Variants in FAM171A1 observed in about 807,000 individuals in gnomAD.
FAM171A1 encodes the protein protein FAM171A1.
In FAM171A1, 23 loss-of-function variants were observed where a neutral mutation model predicts 74.9. The ratio of observed to expected loss-of-function variants is 0.31; its 90% CI spans 0.22 to 0.44. The LOEUF (loss-of-function observed/expected upper bound fraction) is 0.44. Among genes scored for constraint, FAM171A1 ranks in the 20% least tolerant of loss-of-function variants. The pLI, the probability that FAM171A1 is intolerant of heterozygous loss-of-function variation, is 1.00. For missense variants in FAM171A1, 1,162 were observed against 1,159.2 expected (o/e 1.00, Z -0.03); for synonymous variants, 527 against 505.7 (o/e 1.04, Z -0.57).
chr10:15,326,677 G>C (rs1835559055), intron 1 of FAM171A1, among the ~76,000 whole-genome samples: 1 of 151,852 alleles, frequency 6.6e-6, no homozygotes, highest in African/African-American at 2.4e-5. Context: ...ACCCAGGATG[G>C]AGTGCAGTGG....
At chr10:15,371,301 G>C (rs1564294929), upstream of FAM171A1, among the ~76,000 whole-genome samples, 2 of 142,194 alleles carry the variant, frequency 1.4e-5, no homozygotes, top group African/African-American at 5.0e-5. Flanking sequence ...ACCCCTTCCT[G>C]CCTCGCCCGC....
At chr10:15,235,138 C>T (rs1236839384) in intron 5 of FAM171A1, among the ~76,000 whole-genome samples, 2 of 151,908 alleles carry the variant, frequency 1.3e-5, no homozygotes, top group Non-Finnish European at 2.9e-5. Context: ...GGCCAAACCT[C>T]GTCTCTACTA....
chr10:15,242,893 T>C (rs1399876719), intron 5 of FAM171A1, among the ~76,000 whole-genome samples: 1 of 152,256 alleles, frequency 6.6e-6, no homozygotes, highest in Non-Finnish European at 1.5e-5. Flanking sequence ...GGCTAACTTA[T>C]ATTTCAGAGG....
chr10:15,367,539 C>T (rs750032091), intron 1 of FAM171A1, among the ~76,000 whole-genome samples: 1 of 152,292 alleles, frequency 6.6e-6, no homozygotes, highest in South Asian at 2.1e-4. Flanking sequence ...AGAAGTCATG[C>T]TCTTAATACA....
intron 3 of FAM171A1, among the ~76,000 whole-genome samples, chr10:15,264,897 T>G (rs1193378176): frequency 2.6e-5 from 4 of 152,218 alleles, no homozygotes; most frequent in Admixed American, 1.3e-4. Context: ...ACCACCTTTA[T>G]TTAGCTACAT....
At position 15,327,511 on chromosome 10, in the gene FAM171A1, C is replaced by T. The variant is rs1336800682; in HGVS notation, c.98-43406G>A. On this transcript the variant is annotated intron_variant, in intron 1 of 7. Transcript: ENST00000378116. ...CAAAAAAACATAGAAATTAGCTGGGCGTGCTAGCACGTGCCTATAATCCCA... is the reference window on the plus strand; with the variant it reads ...CAAAAAAACATAGAAATTAGCTGGGTGTGCTAGCACGTGCCTATAATCCCA... 2.0e-5 allele frequency among the ~76,000 whole-genome samples: 3 copies of T among 152,056 alleles called. 1 individual carries two copies. The East Asian group carries it at 5.8e-4, about 29-fold the overall frequency.
chr10:15,224,931 C>T (rs1834085693), intron 5 of FAM171A1, among the ~76,000 whole-genome samples: 1 of 152,174 alleles, frequency 6.6e-6, no homozygotes, highest in South Asian at 2.1e-4. Flanking sequence ...GTAGCTCCAA[C>T]CTCATATAGT....
rs867277759 is a variant in FAM171A1, at chr10:15,331,830, T to G, written c.97+39126A>C. 7.6e-3 allele frequency among the ~76,000 whole-genome samples: 715 copies of G among 93,724 alleles called. 3 individuals are homozygous for G. The highest frequency in any genetic ancestry group is 0.014 in the Non-Finnish European group (618 of 45,582). 61.5% of individuals were successfully genotyped at this position (93,724 alleles called of 152,430 possible). ...GTATATATGTGGGTATATATATGTGTGTATATATATGTGTGTATATATATG... is the reference window on the plus strand; with the variant it reads ...GTATATATGTGGGTATATATATGTGGGTATATATATGTGTGTATATATATG... On this transcript the variant is annotated intron_variant, in intron 1 of 7. Transcript: ENST00000378116.
intron 1 of FAM171A1, among the ~76,000 whole-genome samples, chr10:15,341,450 G>A (rs1835763196): frequency 6.6e-6 from 1 of 152,182 alleles, no homozygotes; most frequent in African/African-American, 2.4e-5. Flanking sequence ...CGTTATTCGA[G>A]AGTTTTTTTC....
At chr10:15,335,173 G>C (rs769437639) in intron 1 of FAM171A1, among the ~76,000 whole-genome samples, 4 of 152,190 alleles carry the variant, frequency 2.6e-5, no homozygotes, top group Non-Finnish European at 4.4e-5. Context: ...GAGCCCAGGA[G>C]GTGGAATTTG....
Position 15,216,103 on chromosome 10 carries a change from A to C in FAM171A1, c.879T>G (p.Val293=), listed in dbSNP as rs1833963539. The C allele has an allele frequency of 1.3e-6, 2 of 1,589,884 alleles. No homozygotes were observed. The highest frequency in any genetic ancestry group is 1.7e-6 in the Non-Finnish European group (2 of 1,172,786). The change falls in exon 7 of 8, where the codon GTT becomes GTG. Residue 293 remains valine, a synonymous_variant. Transcript: ENST00000378116. ...AAMSPPIPGP[V]VTQDITTYHT... ...GATACGTGGTAATGTCCTGTGTTAC[A>C]ACGGGACCTAGAAGGTCAGAAAATG...
chr10:15,292,265 AG>A (rs1274682433), intron 1 of FAM171A1, among the ~76,000 whole-genome samples: 1 of 152,150 alleles, frequency 6.6e-6, no homozygotes, highest in East Asian at 1.9e-4. Context: ...TGTGAACTTG[AG>A]GGGAAAACAA....
rs560360568 is a variant in FAM171A1, at chr10:15,257,939, C to T, written c.419-3060G>A. 9.2e-5 allele frequency among the ~76,000 whole-genome samples: 14 copies of T among 152,288 alleles called. No homozygotes were observed. In the South Asian group the frequency reaches 2.7e-3, roughly 29 times the overall value. ...AAGGAATATGATTGGGAGGGGGTGG[C>T]AGGGTAGGCAGTGGATAAGCCTGTA... On this transcript the variant is annotated intron_variant, in intron 3 of 7. Coordinates refer to ENST00000378116, the MANE Select transcript of FAM171A1 (RefSeq NM_001010924.2).
At chr10:15,273,190 T>TA (rs1380141536) in intron 3 of FAM171A1, among the ~76,000 whole-genome samples, 2 of 151,898 alleles carry the variant, frequency 1.3e-5, no homozygotes, top group African/African-American at 4.8e-5. Context: ...ATAGAAGCAA[T>TA]AAAAAATGAT....
At chr10:15,240,359 T>TCAAA (rs1554833051) in intron 5 of FAM171A1, among the ~76,000 whole-genome samples, 5 of 151,536 alleles carry the variant, frequency 3.3e-5, no homozygotes, top group South Asian at 2.1e-4. Flanking sequence ...AGACACCATC[T>TCAAA]CACACACACA....
chr10:15,352,370 T>C (rs1835890134), intron 1 of FAM171A1, among the ~76,000 whole-genome samples: 1 of 152,204 alleles, frequency 6.6e-6, no homozygotes, highest in African/African-American at 2.4e-5. Flanking sequence ...GAAATAAGAA[T>C]GTGAAACAGG....
chr10:15,298,264 A>AG (rs369083823), intron 1 of FAM171A1, among the ~76,000 whole-genome samples: 2 of 152,198 alleles, frequency 1.3e-5, no homozygotes, highest in East Asian at 3.9e-4. Context: ...CCTCCCCAGT[A>AG]GCTGGGCTTC....
intron 5 of FAM171A1, among the ~76,000 whole-genome samples, chr10:15,232,664 A>C (rs967665137): frequency 2.0e-5 from 3 of 152,224 alleles, no homozygotes; most frequent in Non-Finnish European, 4.4e-5. Flanking sequence ...AACAAAATAC[A>C]TCTGGAAACA....
chr10:15,213,763 G>C lies in FAM171A1; in HGVS notation c.1825C>G (p.Leu609Val). The change falls in exon 8 of 8, where the codon CTT becomes GTT. Residue 609 changes from leucine to valine, a missense_variant. Coordinates refer to ENST00000378116, the MANE Select transcript of FAM171A1 (RefSeq NM_001010924.2). The surrounding 1 kb of genome is among the most constrained non-coding windows in gnomAD (Gnocchi z 6.8). ...TCAGCCTGTAGTCTTTCTATCTCAA[G>C]CTGCTGATCAGCCGGGACGACGAGG... ...QPLVVPADQQ[L>V]EIERLQAELS... The C allele has an allele frequency of 6.2e-7, 1 of 1,614,114 alleles. No homozygotes were observed. The highest frequency in any genetic ancestry group is 8.5e-7 in the Non-Finnish European group (1 of 1,179,988).
Sources: gnomAD v4.1 joint callset for allele counts (sites outside exome capture counted in the v4.1 genomes callset) on GRCh38, gnomAD v4.1.1 for gene constraint, Gnocchi (gnomAD v3.1) non-coding constraint, MANE v1.5 for transcripts, NCBI Gene and HGNC (gene_info 2026-07-23, HGNC 2026-07-21) for gene names.